Variants in CNOT2 observed in about 807,000 individuals in gnomAD.
CNOT2 encodes CC chemokine receptor 4-negative regulator of transcription 2.
In CNOT2, 7 loss-of-function variants were observed where a neutral mutation model predicts 72.1. The observed-to-expected ratio is 0.10, with a 90% CI of 0.06 to 0.18. The LOEUF is 0.18. Ranked by LOEUF, CNOT2 falls within the 10% of genes least tolerant of loss-of-function variation. The pLI, the probability that CNOT2 is intolerant of heterozygous loss-of-function variation, is 1.00. For missense variants in CNOT2, 345 were observed against 660.3 expected, an observed-to-expected ratio of 0.52 and a Z score of 5.23; for synonymous variants, 196 against 225.6, an observed-to-expected ratio of 0.87 and a Z score of 1.17.
At chr12:70,248,581 A>G (rs1416383101) in intron 1 of CNOT2, among the ~76,000 whole-genome samples, 3 of 152,150 alleles carry the variant, frequency 2.0e-5, no homozygotes, top group Non-Finnish European at 2.9e-5. Flanking sequence ...TGTTTTGAGA[A>G]ACATCTGGCC....
At chr12:70,302,643 G>T (rs1301744910) in intron 2 of CNOT2, among the ~76,000 whole-genome samples, 2 of 152,292 alleles carry the variant, frequency 1.3e-5, no homozygotes, top group East Asian at 3.9e-4. Flanking sequence ...CAACTATGTG[G>T]TCAACTTTGG....
chr12:70,303,971 G>C (rs886719533), intron 2 of CNOT2, among the ~76,000 whole-genome samples: 1 of 152,136 alleles, frequency 6.6e-6, no homozygotes, highest in Non-Finnish European at 1.5e-5. Flanking sequence ...TTCCATCGCT[G>C]ATACCCTTTC....
At chr12:70,243,096 C>T (rs1181789992), upstream of CNOT2, 1 of 152,316 alleles carries the variant, frequency 6.6e-6, no homozygotes, top group East Asian at 1.9e-4. Flanking sequence ...CGCAGTCCCC[C>T]TCGGACTCAG....
chr12:70,245,346 CAT>C (rs1284028067), intron 1 of CNOT2, among the ~76,000 whole-genome samples: 3 of 152,168 alleles, frequency 2.0e-5, no homozygotes, highest in Non-Finnish European at 2.9e-5. Flanking sequence ...ACTTTTCTCT[CAT>C]ATTTTCTGAG....
chr12:70,272,128 A>G (rs1959317698), intron 1 of CNOT2, among the ~76,000 whole-genome samples: 1 of 152,222 alleles, frequency 6.6e-6, no homozygotes, highest in South Asian at 2.1e-4. Context: ...TGATGTTTCC[A>G]TAAAATTAAA....
chr12:70,285,135 A>G (rs757849237), intron 2 of CNOT2, among the ~76,000 whole-genome samples: 12 of 152,220 alleles, frequency 7.9e-5, no homozygotes, highest in Non-Finnish European at 1.5e-4. Context: ...TCAAAAGTTA[A>G]GACATTAATG....
At chr12:70,278,375 C>A in intron 2 of CNOT2, 101 bp downstream of exon 2, 1 of 716,280 alleles carries the variant, frequency 1.4e-6, no homozygotes, top group South Asian at 2.2e-5. Flanking sequence ...TTGGTTACAC[C>A]TCAATTTGAA....
intron 1 of CNOT2, among the ~76,000 whole-genome samples, chr12:70,251,110 T>G (rs568387810): frequency 6.6e-6 from 1 of 152,202 alleles, no homozygotes; most frequent in African/African-American, 2.4e-5. Flanking sequence ...CCTATACTTT[T>G]CTTAGAAATT....
Position 70,243,476 on chromosome 12 carries a change from A to G in CNOT2, c.-100A>G, listed in dbSNP as rs1957665446. On this transcript the variant is annotated 5_prime_UTR_variant, in exon 1 of 16. The change abolishes an upstream ATG in the 5' untranslated region. Coordinates refer to ENST00000229195, the MANE Select transcript of CNOT2 (RefSeq NM_014515.7). The stretch of plus-strand genomic sequence containing the variant: ...TTGGATCCGCGGGACAAGAAAATTC[A>G]TGCGGTGAGTTTTTGGTAAATTTTC... 1 of 152,310 alleles carries G rather than the reference A, an allele frequency of 6.6e-6. No individual in the cohort carries two copies. The highest frequency in any genetic ancestry group is 1.5e-5 in the Non-Finnish European group (1 of 67,996). The allele number at this position is 152,310 out of a possible 1,614,324, so 9.4% of individuals were successfully genotyped here.
intron 6 of CNOT2, chr12:70,332,533 G>GT (rs1880113423): frequency 1.9e-6 from 1 of 514,444 alleles, no homozygotes; most frequent in East Asian, 5.1e-5. Context: ...AAATTTTTGA[G>GT]TTTTTGTTTT....
At chr12:70,308,149 G>A (rs529661959) in intron 2 of CNOT2, among the ~76,000 whole-genome samples, 84 of 152,140 alleles carry the variant, frequency 5.5e-4, no homozygotes, top group Non-Finnish European at 6.3e-4. Flanking sequence ...CATTTGCCTG[G>A]TCAGTTACTT....
chr12:70,262,674 C>T (rs753277828), intron 1 of CNOT2, among the ~76,000 whole-genome samples: 10 of 151,116 alleles, frequency 6.6e-5, no homozygotes, highest in South Asian at 2.1e-4. Flanking sequence ...TTTTTTTTTC[C>T]GGTTATTTGT....
chr12:70,291,315 A>G (rs1290379921), intron 2 of CNOT2, among the ~76,000 whole-genome samples: 1 of 152,220 alleles, frequency 6.6e-6, no homozygotes, highest in African/African-American at 2.4e-5. Context: ...AAATGTGCTA[A>G]TGAAAATATA....
At chr12:70,293,970 A>T in intron 2 of CNOT2, 1 of 331,230 alleles carries the variant, frequency 3.0e-6, no homozygotes, top group East Asian at 9.6e-5. Context: ...AGTCTGAAAG[A>T]TGAATCTGGG....
At chr12:70,247,877 G>A (rs1227415241) in intron 1 of CNOT2, among the ~76,000 whole-genome samples, 2 of 152,164 alleles carry the variant, frequency 1.3e-5, no homozygotes, top group African/African-American at 4.8e-5. Flanking sequence ...AAAAGTGGTG[G>A]GGAGAATAGC....
intron 2 of CNOT2, among the ~76,000 whole-genome samples, chr12:70,283,437 G>A (rs1870221937): frequency 1.3e-5 from 2 of 151,450 alleles, no homozygotes; most frequent in Non-Finnish European, 2.9e-5. Context: ...TCCAGCCTGT[G>A]TGACAGAGCA....
rs111436531 is a variant in CNOT2 at position 70,297,172 on chromosome 12, T to C, written c.49-13723T>C. Among the ~76,000 whole-genome samples the C allele has an allele frequency of 3.0e-3, 454 of 152,338 alleles. 1 individual carries two copies. The highest frequency in any genetic ancestry group is 9.5e-3 in the African/African-American group (397 of 41,576). On this transcript the variant is annotated intron_variant, in intron 2 of 15. Transcript: ENST00000229195. ...CCAAGAACTTGTGCATATTTGTATA[T>C]TGTTTGTTGATATTGAATATGGAAT...
intron 4 of CNOT2, among the ~76,000 whole-genome samples, chr12:70,326,645 A>T (rs1377785337): frequency 6.6e-6 from 1 of 151,800 alleles, no homozygotes; most frequent in African/African-American, 2.4e-5. Flanking sequence ...CAAAAAACAA[A>T]TCTTTATATA....
rs1883200621 is a variant in CNOT2, at chr12:70,354,011, G to T, written c.*96G>T. On this transcript the variant is annotated 3_prime_UTR_variant, in exon 16 of 16. Coordinates refer to ENST00000229195, the MANE Select transcript of CNOT2 (RefSeq NM_014515.7). Reference sequence around the variant, plus strand: ...TAACTGCAGAACTGATGTGGCTCAGGCACCCTGGTTTTAATTCCTTGAGGA... The same window carrying T: ...TAACTGCAGAACTGATGTGGCTCAGTCACCCTGGTTTTAATTCCTTGAGGA... The T allele has an allele frequency of 4.7e-6, 7 of 1,480,618 alleles. No homozygotes were observed. The South Asian group carries it at 8.5e-5, about 18-fold the overall frequency. The allele number at this position is 1,480,618 out of a possible 1,614,324, so 91.7% of individuals were successfully genotyped here.
Sources: gnomAD v4.1 joint callset for allele counts (sites outside exome capture counted in the v4.1 genomes callset) on GRCh38, gnomAD v4.1.1 for gene constraint, MANE v1.5 for transcripts, NCBI Gene and HGNC (gene_info 2026-07-23, HGNC 2026-07-21) for gene names.